The following OSBPL5 variants were observed in gnomAD, a reference collection of about 807,000 sequenced individuals.
OSBPL5 encodes the protein oxysterol-binding protein-related protein 5.
OSBPL5 carries 71 observed loss-of-function variants against 111.2 expected under a neutral mutation model. The ratio of observed to expected loss-of-function variants is 0.64; its 90% CI spans 0.53 to 0.78. OSBPL5 has a LOEUF of 0.78. Ranked by LOEUF, OSBPL5 falls within the 30% of genes least tolerant of loss-of-function variation. OSBPL5 has a pLI of 0.00. For synonymous variants in OSBPL5, 549 were observed against 513.9 expected, an observed-to-expected ratio of 1.07 and a Z score of -0.93; for missense variants, 1,210 against 1,189.3, an observed-to-expected ratio of 1.02 and a Z score of -0.26.
chr11:3,089,816 G>T (rs1340270153), intron 21 of OSBPL5, 30 bp downstream of exon 21: 1 of 1,544,218 alleles, frequency 6.5e-7, no homozygotes, highest in Non-Finnish European at 8.8e-7. Flanking sequence ...CTGACCCGGA[G>T]TCTGGATGGA....
chr11:3,131,381 T>TC (rs1564849576), intron 1 of OSBPL5, among the ~76,000 whole-genome samples: 2 of 137,910 alleles, frequency 1.5e-5, no homozygotes, highest in East Asian at 2.3e-4. Context: ...ACCCACCCAT[T>TC]CATCCATCCA....
chr11:3,153,098 G>T (rs371105294), intron 1 of OSBPL5, among the ~76,000 whole-genome samples: 2 of 151,970 alleles, frequency 1.3e-5, no homozygotes, highest in African/African-American at 2.4e-5. Context: ...AGGGGGTCCC[G>T]GCTACGAGGT....
Position 3,092,833 on chromosome 11 carries a change from A to G in OSBPL5, c.2132+34T>C. 6.7e-7 allele frequency: 1 copy of G among 1,499,462 alleles called. No homozygotes were observed. The highest frequency in any genetic ancestry group is 9.0e-7 in the Non-Finnish European group (1 of 1,115,480). The allele number at this position is 1,499,462 out of a possible 1,614,324, so 92.9% of individuals were successfully genotyped here. A position where few individuals can be genotyped will look rare whatever the true frequency, so the allele number is the denominator to read the frequency against. On this transcript the variant is annotated intron_variant, in intron 18 of 21. Coordinates refer to ENST00000263650, the MANE Select transcript of OSBPL5 (RefSeq NM_020896.4). This position sits in a 1 kb window ranked among gnomAD's most constrained non-coding sequence, Gnocchi z 5.4. ...CAGCCCGTCTGCTAGGCCCAGCCCC[A>G]CCCTGTGGCCCCCAGGGCTTTGTCG... is the stretch of plus-strand genomic sequence containing the variant.
chr11:3,138,825 G>A (rs1434759899), intron 1 of OSBPL5, among the ~76,000 whole-genome samples: 1 of 152,250 alleles, frequency 6.6e-6, no homozygotes, highest in Admixed American at 6.5e-5. Flanking sequence ...CTAGGGACAC[G>A]CGGCTGAGAA....
chr11:3,103,815 C>CAGCCCCTTTCCAGT (rs1480376487), intron 10 of OSBPL5, among the ~76,000 whole-genome samples: 4 of 35,368 alleles, frequency 1.1e-4, no homozygotes, highest in Non-Finnish European at 2.6e-4. Context: ...CCTCTTCCTG[C>CAGCCCCTTTCCAGT]CTGCGCAGCC....
intron 1 of OSBPL5, among the ~76,000 whole-genome samples, chr11:3,138,104 C>T (rs1032934545): frequency 6.6e-6 from 1 of 152,208 alleles, no homozygotes; most frequent in Non-Finnish European, 1.5e-5. Flanking sequence ...AAGTCCTGTG[C>T]CTGTGGGCCC....
In OSBPL5 at chr11:3,121,030, G is replaced by C. The variant is rs970707123; in HGVS notation, c.403-406C>G. ...CTCAGGGAGGAACCAGCAATGAGTG[G>C]TGTGACTTGTAACTGGCAGCTTTGT... On this transcript the variant is annotated intron_variant, in intron 5 of 21. Coordinates refer to ENST00000263650, the MANE Select transcript of OSBPL5 (RefSeq NM_020896.4). This position sits in a 1 kb window ranked among gnomAD's most constrained non-coding sequence, Gnocchi z 4.3. 1.3e-5 allele frequency among the ~76,000 whole-genome samples: 2 copies of C among 151,844 alleles called. No homozygotes were observed. The highest frequency in any genetic ancestry group is 4.2e-4 in the South Asian group (2 of 4,814).
At chr11:3,136,528 A>C (rs1845953536) in intron 1 of OSBPL5, among the ~76,000 whole-genome samples, 1 of 152,234 alleles carries the variant, frequency 6.6e-6, no homozygotes, top group Non-Finnish European at 1.5e-5. Context: ...GTCCTCCTGC[A>C]GAGGCCTGGG....
intron 19 of OSBPL5, among the ~76,000 whole-genome samples, chr11:3,091,522 T>C (rs1468513410): frequency 1.3e-5 from 2 of 151,770 alleles, no homozygotes; most frequent in South Asian, 2.1e-4. Flanking sequence ...GCAGAGGGCA[T>C]TGGGGGTGGA....
intron 1 of OSBPL5, among the ~76,000 whole-genome samples, chr11:3,164,943 C>T (rs1338448271): frequency 6.6e-6 from 1 of 151,700 alleles, no homozygotes; most frequent in African/African-American, 2.4e-5. Flanking sequence ...CCCCACCCGC[C>T]CCAACCCGCC....
chr11:3,142,479 C>T lies in OSBPL5; in HGVS notation c.-21-13310G>A, dbSNP rs780870927. ...CAGGATCCCTCCCCACTCGCTGCTC[C>T]GTGTCCCAGGAGGTCAGATTTCACC... On this transcript the variant is annotated intron_variant, in intron 1 of 21. Coordinates refer to ENST00000263650, the MANE Select transcript of OSBPL5 (RefSeq NM_020896.4). The surrounding 1 kb of genome is among the most constrained non-coding windows in gnomAD (Gnocchi z 7.1). Among the ~76,000 whole-genome samples the T allele has an allele frequency of 6.6e-6, 1 of 151,778 alleles. No homozygotes were observed. The highest frequency in any genetic ancestry group is 1.9e-4 in the East Asian group (1 of 5,196).
rs1858623426 is a variant in OSBPL5, at chr11:3,126,338, T to C, written c.219+135A>G. 9 of 725,150 alleles carry C rather than the reference T, an allele frequency of 1.2e-5. No homozygotes were observed. The highest frequency in any genetic ancestry group is 1.7e-5 in the Non-Finnish European group (8 of 464,738). 44.9% of individuals were successfully genotyped at this position (725,150 alleles called of 1,614,324 possible). ...CCTCCCGGAGCAGCACAGTCTAGGATTGGGAGCTGTTTCCCCCGAACAGGC... is the reference window on the plus strand; with the variant it reads ...CCTCCCGGAGCAGCACAGTCTAGGACTGGGAGCTGTTTCCCCCGAACAGGC... On this transcript the variant is annotated intron_variant, in intron 3 of 21. Transcript: ENST00000263650. This position sits in a 1 kb window ranked among gnomAD's most constrained non-coding sequence, Gnocchi z 6.5.
intron 1 of OSBPL5, among the ~76,000 whole-genome samples, chr11:3,134,237 C>T (rs1312736096): frequency 6.6e-6 from 1 of 152,222 alleles, no homozygotes; most frequent in Non-Finnish European, 1.5e-5. Flanking sequence ...TGTCACCAGA[C>T]AGGACAGGAA....
rs761440221 is a variant in OSBPL5 at position 3,100,220 on chromosome 11, G to A, written c.1559C>T (p.Thr520Met). The change falls in exon 14 of 22, where the codon ACG becomes ATG. Residue 520 changes from threonine to methionine, a missense_variant. Coordinates refer to ENST00000263650, the MANE Select transcript of OSBPL5 (RefSeq NM_020896.4). ...SLSALLDGKA[T>M]LTFLNRAEDY... is the part of the protein sequence containing the mutation. The stretch of plus-strand genomic sequence containing the variant: ...CTCGGCTCGGTTCAGGAAGGTGAGC[G>A]TGGCTTTGCCGTCCAGCAGCGCCGA... 1.1e-5 allele frequency: 17 copies of A among 1,614,028 alleles called. No individual in the cohort carries two copies. The highest frequency in any genetic ancestry group is 1.7e-5 in the Admixed American group (1 of 60,000).
At chr11:3,098,351 A>G (rs1857342962) in intron 14 of OSBPL5, among the ~76,000 whole-genome samples, 1 of 151,692 alleles carries the variant, frequency 6.6e-6, no homozygotes, top group Admixed American at 6.6e-5. Context: ...GGAGTGAGGC[A>G]CTTAAAAAAA....
At chr11:3,133,734 C>T (rs1845873919) in intron 1 of OSBPL5, among the ~76,000 whole-genome samples, 1 of 152,248 alleles carries the variant, frequency 6.6e-6, no homozygotes, top group Admixed American at 6.5e-5. Flanking sequence ...CCCCCACAGT[C>T]CTGAAGTCCA....
At position 3,107,723 on chromosome 11, in the gene OSBPL5, G is replaced by A; in HGVS notation, c.866+48C>T. 6.3e-7 allele frequency: 1 copy of A among 1,597,842 alleles called. No homozygotes were observed. The highest frequency in any genetic ancestry group is 8.5e-7 in the Non-Finnish European group (1 of 1,174,244). ...CCTCTCCCCTCTTCCTCGCCTACAA[G>A]GAGACCCCGTGAATCACCACCAGCC... On this transcript the variant is annotated intron_variant, in intron 8 of 21. Coordinates refer to ENST00000263650, the MANE Select transcript of OSBPL5 (RefSeq NM_020896.4). This position sits in a 1 kb window ranked among gnomAD's most constrained non-coding sequence, Gnocchi z 6.1.
intron 2 of OSBPL5, among the ~76,000 whole-genome samples, chr11:3,127,295 G>C (rs1858660671): frequency 6.6e-6 from 1 of 152,240 alleles, no homozygotes; most frequent in Non-Finnish European, 1.5e-5. Context: ...GGGGCTGGGG[G>C]CTGGAGTGAA....
chr11:3,123,116 C>T (rs1272717837), intron 3 of OSBPL5, among the ~76,000 whole-genome samples: 3 of 152,190 alleles, frequency 2.0e-5, no homozygotes, highest in Non-Finnish European at 4.4e-5. Flanking sequence ...CCGAACCTGA[C>T]CCCAGCATGT....
Sources: gnomAD v4.1 joint callset for allele counts (sites outside exome capture counted in the v4.1 genomes callset) on GRCh38, gnomAD v4.1.1 for gene constraint, Gnocchi (gnomAD v3.1) non-coding constraint, MANE v1.5 for transcripts, NCBI Gene and HGNC (gene_info 2026-07-23, HGNC 2026-07-21) for gene names.